ATXN7: variants seen among roughly 807,000 people sequenced by gnomAD.
The protein encoded by ATXN7 is ataxin-7.
A neutral mutation model predicts 70.5 loss-of-function variants in ATXN7; 12 were observed. The observed-to-expected ratio is 0.17, with a 90% CI of 0.11 to 0.28. The LOEUF (loss-of-function observed/expected upper bound fraction) is 0.28. Among genes scored for constraint, ATXN7 ranks in the 10% least tolerant of loss-of-function variants. ATXN7 has a pLI of 1.00. For synonymous variants in ATXN7, 498 were observed against 448.7 expected, an observed-to-expected ratio of 1.11 and a Z score of -1.39; for missense variants, 1,256 against 1,131.7, an observed-to-expected ratio of 1.11 and a Z score of -1.58.
chr3:63,980,890 G>C (rs145671948), intron 6 of ATXN7, among the ~76,000 whole-genome samples: 3 of 152,200 alleles, frequency 2.0e-5, no homozygotes, highest in African/African-American at 7.2e-5. Context: ...AGGGAAGACT[G>C]AAGGAAGTTC....
chr3:63,967,154 A>G (rs1405557097), intron 5 of ATXN7, among the ~76,000 whole-genome samples: 1 of 152,182 alleles, frequency 6.6e-6, no homozygotes, highest in Admixed American at 6.5e-5. Context: ...AGGGAGTGTG[A>G]TAGGGATGAT....
At chr3:63,865,479 G>T (rs1370623307) in intron 1 of ATXN7, 3 of 152,126 alleles carry the variant, frequency 2.0e-5, no homozygotes, top group Non-Finnish European at 4.4e-5. Flanking sequence ...TAGGAGACAG[G>T]GCACTCTAAG....
At chr3:63,915,615 A>G (rs1472673359) in intron 4 of ATXN7, among the ~76,000 whole-genome samples, 3 of 152,210 alleles carry the variant, frequency 2.0e-5, no homozygotes, top group Non-Finnish European at 4.4e-5. Context: ...TCCTCTTGTT[A>G]AATTGAAGAA....
At chr3:63,926,497 G>A (rs1704720442) in intron 4 of ATXN7, among the ~76,000 whole-genome samples, 1 of 152,162 alleles carries the variant, frequency 6.6e-6, no homozygotes, top group Admixed American at 6.5e-5. Context: ...AGAACAGCAG[G>A]GGGCGGAGTG....
intron 4 of ATXN7, among the ~76,000 whole-genome samples, chr3:63,950,068 A>G (rs2074929743): frequency 6.6e-6 from 1 of 152,176 alleles, no homozygotes; most frequent in Admixed American, 6.5e-5. Flanking sequence ...GTTATTGAGG[A>G]AATAGAAATT....
At chr3:63,875,361 G>C (rs943138509) in intron 1 of ATXN7, among the ~76,000 whole-genome samples, 1 of 152,084 alleles carries the variant, frequency 6.6e-6, no homozygotes, top group Admixed American at 6.5e-5. Flanking sequence ...CAAAGTGCTG[G>C]GATTACAGGT....
intron 4 of ATXN7, among the ~76,000 whole-genome samples, chr3:63,913,663 T>C (rs1704148905): frequency 6.6e-6 from 1 of 152,188 alleles, no homozygotes; most frequent in Non-Finnish European, 1.5e-5. Flanking sequence ...CTGTAGGATT[T>C]AAGGTACAAG....
chr3:63,890,026 A>G (rs1290340024), intron 1 of ATXN7, among the ~76,000 whole-genome samples: 1 of 152,214 alleles, frequency 6.6e-6, no homozygotes, highest in Non-Finnish European at 1.5e-5. Flanking sequence ...GGAAACAATC[A>G]TTTATTGACC....
chr3:63,971,843 G>C (rs2075317065), intron 5 of ATXN7, among the ~76,000 whole-genome samples: 1 of 152,180 alleles, frequency 6.6e-6, no homozygotes, highest in African/African-American at 2.4e-5. Flanking sequence ...CCAAAATATG[G>C]TTTAGTTGTG....
At chr3:63,991,821 T>C (rs1254523201) in intron 11 of ATXN7, among the ~76,000 whole-genome samples, 1 of 142,704 alleles carries the variant, frequency 7.0e-6, no homozygotes, top group Non-Finnish European at 1.5e-5. Flanking sequence ...GCCTTTCCTG[T>C]AAAAAAAAAA....
chr3:63,961,649 GA>G (rs1305796074), intron 5 of ATXN7, among the ~76,000 whole-genome samples: 2 of 151,860 alleles, frequency 1.3e-5, no homozygotes, highest in Non-Finnish European at 2.9e-5. Context: ...TAAATATATA[GA>G]ACTTTTATTT....
Position 63,990,597 on chromosome 3 carries a change from T to C in ATXN7, c.1561-141T>C, listed in dbSNP as rs1012584187. On this transcript the variant is annotated intron_variant, in intron 10 of 12. Transcript: ENST00000674280. ...CCATGACGCTCAGGGCTAGGCATTG[T>C]CACTCTCATGCTTCACAGCCTCCGG... The C allele has an allele frequency of 4.4e-6, 6 of 1,369,284 alleles. No homozygotes were observed. The African/African-American group carries it at 7.1e-5, about 16-fold the overall frequency. The allele number at this position is 1,369,284 out of a possible 1,614,324, so 84.8% of individuals were successfully genotyped here.
chr3:63,986,537 A>T (rs146741572), intron 8 of ATXN7, among the ~76,000 whole-genome samples: 3 of 152,170 alleles, frequency 2.0e-5, no homozygotes, highest in Admixed American at 6.5e-5. Flanking sequence ...CGTTCTTTCA[A>T]CACACGTTGG....
chr3:63,985,487 T>A (rs573259578), intron 8 of ATXN7, among the ~76,000 whole-genome samples: 1 of 152,342 alleles, frequency 6.6e-6, no homozygotes, highest in East Asian at 1.9e-4. Context: ...GTTCTTTTCC[T>A]TTTCCTTGCC....
chr3:63,898,903 T>C (rs1287354101), intron 2 of ATXN7, among the ~76,000 whole-genome samples: 3 of 152,172 alleles, frequency 2.0e-5, no homozygotes, highest in Non-Finnish European at 2.9e-5. Flanking sequence ...ACCCAGCTGC[T>C]TAGGGCAGGG....
chr3:63,966,213 G>A (rs1344886037), intron 5 of ATXN7, among the ~76,000 whole-genome samples: 1 of 152,136 alleles, frequency 6.6e-6, no homozygotes, highest in Admixed American at 6.5e-5. Flanking sequence ...TACAGTGATA[G>A]GGAAGTGAGA....
At chr3:63,951,454 T>G (rs558410473) in intron 4 of ATXN7, among the ~76,000 whole-genome samples, 2 of 152,280 alleles carry the variant, frequency 1.3e-5, no homozygotes, top group Admixed American at 1.3e-4. Context: ...TACTAAAACT[T>G]TTGCTTAAAT....
chr3:63,973,919 C>A (rs554009645), intron 5 of ATXN7, among the ~76,000 whole-genome samples: 3 of 151,996 alleles, frequency 2.0e-5, no homozygotes, highest in Non-Finnish European at 4.4e-5. Flanking sequence ...GTAGAAAAAC[C>A]AATTTGGAAA....
chr3:64,002,027 A>G lies in ATXN7; in HGVS notation c.*2560A>G, dbSNP rs2075838307. 1.3e-5 allele frequency: 2 copies of G among 152,066 alleles called. No individual in the cohort carries two copies. Among genetic ancestry groups the G allele is most frequent in the Non-Finnish European group, 2.9e-5 (2 of 67,910 alleles). 9.4% of individuals were successfully genotyped at this position (152,066 alleles called of 1,614,324 possible). ...ACAAAAAAAAAAAAAAAGTGCTGCA[A>G]TGATGAACAAAGAATTATACAAAAC... On this transcript the variant is annotated 3_prime_UTR_variant, in exon 13 of 13. Coordinates refer to ENST00000674280, the MANE Select transcript of ATXN7 (RefSeq NM_001377405.1).
Sources: allele counts gnomAD v4.1 joint callset (sites outside exome capture counted in the v4.1 genomes callset), GRCh38; gene constraint gnomAD v4.1.1; transcripts MANE v1.5; gene names NCBI Gene and HGNC (gene_info 2026-07-23, HGNC 2026-07-21).